TCEA1: variants seen among roughly 807,000 people sequenced by gnomAD.
The protein encoded by TCEA1 is transcription elongation factor A1.
TCEA1 carries 21 observed loss-of-function variants against 43.8 expected under a neutral mutation model. The ratio of observed to expected loss-of-function variants is 0.48; its 90% CI spans 0.34 to 0.69. The LOEUF (loss-of-function observed/expected upper bound fraction) is 0.69. TCEA1 is among the 30% of genes least tolerant of loss of function. The probability of loss-of-function intolerance (pLI) is 0.01; values close to 1 mark genes in which losing one functional copy is unlikely to be tolerated. For missense variants in TCEA1, 250 were observed against 365.1 expected (o/e 0.68, Z 2.57); for synonymous variants, 104 against 117.5 (o/e 0.88, Z 0.75).
Position 54,022,208 on chromosome 8 carries a change from C to G in TCEA1, c.-83G>C, listed in dbSNP as rs1341886812. 6.9e-7 allele frequency: 1 copy of G among 1,455,232 alleles called. No homozygotes were observed. The highest frequency in any genetic ancestry group is 9.5e-7 in the Non-Finnish European group (1 of 1,047,868). The allele number at this position is 1,455,232 out of a possible 1,614,324, so 90.1% of individuals were successfully genotyped here. A position where few individuals can be genotyped will look rare whatever the true frequency, so the allele number is the denominator to read the frequency against. On this transcript the variant is annotated 5_prime_UTR_variant, in exon 1 of 10. Transcript: ENST00000521604. ...GGAGCGGAAGACACAGCAGGAGCGA[C>G]CCCCGGCGCGCAGCAACCCCCACCA...
intron 2 of TCEA1, among the ~76,000 whole-genome samples, chr8:54,004,072 T>G (rs1242121919): frequency 2.0e-5 from 3 of 152,064 alleles, no homozygotes; most frequent in Non-Finnish European, 4.4e-5. Flanking sequence ...AAATAAAAAT[T>G]AAAGCTACAA....
intron 8 of TCEA1, chr8:53,978,470 T>C (rs2129300341): frequency 6.6e-6 from 1 of 152,588 alleles, no homozygotes; most frequent in South Asian, 2.1e-4. Flanking sequence ...TCTGTCTCAC[T>C]TGGAATACAG....
intron 4 of TCEA1, among the ~76,000 whole-genome samples, chr8:53,989,077 A>G (rs1448170905): frequency 6.6e-6 from 1 of 152,058 alleles, no homozygotes; most frequent in Non-Finnish European, 1.5e-5. Flanking sequence ...CAAAAAAAAA[A>G]AAGAACAAAA....
chr8:53,984,998 G>C (rs920756572), intron 6 of TCEA1, among the ~76,000 whole-genome samples: 8 of 152,164 alleles, frequency 5.3e-5, no homozygotes, highest in African/African-American at 1.9e-4. Context: ...GCGAATAATA[G>C]TGATATTACT....
At chr8:53,974,418 T>C (rs979101399) in intron 8 of TCEA1, among the ~76,000 whole-genome samples, 5 of 150,658 alleles carry the variant, frequency 3.3e-5, no homozygotes, top group African/African-American at 1.2e-4. Context: ...TAGTCATAAT[T>C]AAATCAAATT....
chr8:54,008,310 TCAAA>T (rs1752665345), intron 2 of TCEA1, among the ~76,000 whole-genome samples: 2 of 149,076 alleles, frequency 1.3e-5, no homozygotes, highest in African/African-American at 5.0e-5. Flanking sequence ...AATAAGGAAG[TCAAA>T]CAATTCAACA....
chr8:53,972,120 T>A (rs1803174720), intron 8 of TCEA1: 1 of 290,860 alleles, frequency 3.4e-6, no homozygotes, highest in African/African-American at 2.3e-5. Context: ...AGTGGTTCCA[T>A]CCATAACGGC....
In TCEA1 at chr8:54,000,030, T is replaced by A. The variant is rs1196955000; in HGVS notation, c.147A>T (p.Ser49=). The A allele has an allele frequency of 1.9e-6, 3 of 1,589,010 alleles. No homozygotes were observed. The highest frequency in any genetic ancestry group is 2.6e-6 in the Non-Finnish European group (3 of 1,167,206). Reference sequence around the variant, plus strand: ...TACTCTGCTTGCGAATAGCATTAACTGACATTCCGATTCTTGTGGACTGCA... The same window carrying A: ...TACTCTGCTTGCGAATAGCATTAACAGACATTCCGATTCTTGTGGACTGCA... ...ELLQSTRIGM[S]VNAIRKQSTD... Residue 49 remains serine, a synonymous_variant, in exon 3 of 10, where the codon TCA becomes TCT. Transcript: ENST00000521604.
At chr8:54,020,388 A>C (rs1276766475) in intron 1 of TCEA1, among the ~76,000 whole-genome samples, 1 of 152,216 alleles carries the variant, frequency 6.6e-6, no homozygotes, top group Non-Finnish European at 1.5e-5. Context: ...TAATATCTAG[A>C]ACAGAAAATA....
At chr8:54,008,490 ATTTT>A (rs1209959729) in intron 2 of TCEA1, among the ~76,000 whole-genome samples, 1 of 151,874 alleles carries the variant, frequency 6.6e-6, no homozygotes, top group Non-Finnish European at 1.5e-5. Context: ...AAAAAAAAAA[ATTTT>A]TTTAATTAGC....
At chr8:54,012,812 T>TA (rs146891566) in intron 1 of TCEA1, among the ~76,000 whole-genome samples, 5 of 152,208 alleles carry the variant, frequency 3.3e-5, no homozygotes, top group Non-Finnish European at 7.4e-5. Context: ...ATAGTGCCTG[T>TA]AGTCCTAGCT....
intron 1 of TCEA1, among the ~76,000 whole-genome samples, chr8:54,011,872 C>T (rs1167980253): frequency 6.6e-6 from 1 of 152,102 alleles, no homozygotes; most frequent in East Asian, 1.9e-4. Context: ...AACCCAATAC[C>T]TCATAAATAA....
chr8:53,968,798 A>C (rs917596078), intron 9 of TCEA1, among the ~76,000 whole-genome samples: 2 of 152,136 alleles, frequency 1.3e-5, no homozygotes, highest in Non-Finnish European at 2.9e-5. Flanking sequence ...ACAACAACAA[A>C]AAAGATCCAT....
intron 3 of TCEA1, among the ~76,000 whole-genome samples, chr8:53,997,258 G>C (rs1804092079): frequency 6.6e-6 from 1 of 151,958 alleles, no homozygotes; most frequent in African/African-American, 2.4e-5. Context: ...TTGAAGCAGA[G>C]GAGTCAGAAA....
At chr8:53,994,993 A>C (rs1429485525) in intron 3 of TCEA1, among the ~76,000 whole-genome samples, 1 of 152,164 alleles carries the variant, frequency 6.6e-6, no homozygotes, top group Non-Finnish European at 1.5e-5. Context: ...ACACAGTCTT[A>C]AATTTTAAAA....
At chr8:53,982,091 T>C (rs4634601) in intron 7 of TCEA1, among the ~76,000 whole-genome samples, 6 of 152,154 alleles carry the variant, frequency 3.9e-5, no homozygotes, top group Non-Finnish European at 8.8e-5. Context: ...ATTTCAGAAA[T>C]ACTTTTTGCA....
In TCEA1 at chr8:54,022,325, G is replaced by C; in HGVS notation, c.-200C>G. The C allele has an allele frequency of 1.6e-6, 1 of 638,920 alleles. No individual in the cohort carries two copies. The highest frequency in any genetic ancestry group is 2.7e-6 in the Non-Finnish European group (1 of 369,994). 39.6% of individuals were successfully genotyped at this position (638,920 alleles called of 1,614,324 possible). ...GGCTCCGGCTCCTCCTCCCCAGGCA[G>C]CGACAATCGAACACCGCGCGCGACG... On this transcript the variant is annotated 5_prime_UTR_variant, in exon 1 of 10. Transcript: ENST00000521604.
intron 1 of TCEA1, among the ~76,000 whole-genome samples, chr8:54,016,887 C>A (rs778064517): frequency 6.1e-5 from 9 of 148,200 alleles, no homozygotes; most frequent in Non-Finnish European, 1.3e-4. Context: ...GACAGGAGAA[C>A]TGCTTGAACC....
intron 4 of TCEA1, among the ~76,000 whole-genome samples, chr8:53,988,610 C>T (rs1231912113): frequency 6.6e-6 from 1 of 151,988 alleles, no homozygotes; most frequent in Non-Finnish European, 1.5e-5. Flanking sequence ...AGGGATGGGA[C>T]CAGAGAATGA....
Sources: gnomAD v4.1 joint callset for allele counts (sites outside exome capture counted in the v4.1 genomes callset) on GRCh38, gnomAD v4.1.1 for gene constraint, MANE v1.5 for transcripts, NCBI Gene and HGNC (gene_info 2026-07-23, HGNC 2026-07-21) for gene names.